Variants in RAPGEF4 observed in about 807,000 individuals in gnomAD.
The protein encoded by RAPGEF4 is RAP guanine-nucleotide-exchange factor (GEF) 4.
In RAPGEF4, 66 loss-of-function variants were observed where a neutral mutation model predicts 147.9. The observed-to-expected ratio is 0.45, with a 90% confidence interval of 0.37 to 0.55. RAPGEF4 has a LOEUF of 0.55. RAPGEF4 is among the 20% of genes least tolerant of loss of function. The pLI, the probability that RAPGEF4 is intolerant of heterozygous loss-of-function variation, is 0.00. For synonymous variants in RAPGEF4, 419 were observed against 442.7 expected (o/e 0.95, Z 0.67); for missense variants, 1,071 against 1,257.3 (o/e 0.85, Z 2.24).
chr2:172,805,580 G>A (rs1249779736), intron 3 of RAPGEF4, among the ~76,000 whole-genome samples: 1 of 152,162 alleles, frequency 6.6e-6, no homozygotes, highest in Non-Finnish European at 1.5e-5. Context: ...AAGGGGACCT[G>A]CCCACAGACC....
intron 3 of RAPGEF4, among the ~76,000 whole-genome samples, chr2:172,813,285 C>T (rs1227850574): frequency 6.6e-6 from 1 of 152,174 alleles, no homozygotes; most frequent in Non-Finnish European, 1.5e-5. Flanking sequence ...TAATGCCTTA[C>T]AAAATTAATG....
intron 1 of RAPGEF4, among the ~76,000 whole-genome samples, chr2:172,740,444 G>C (rs1694203170): frequency 6.6e-6 from 1 of 152,150 alleles, no homozygotes; most frequent in Non-Finnish European, 1.5e-5. Flanking sequence ...AAGTATTCGT[G>C]TTTCAGTTTA....
intron 4 of RAPGEF4, 76 bp from the exon 5 acceptor site, chr2:172,917,726 C>A: frequency 7.5e-7 from 1 of 1,332,092 alleles, no homozygotes; most frequent in Non-Finnish European, 1.1e-6. Flanking sequence ...AGCATTTCTG[C>A]TTTTTAACAT....
chr2:172,841,481 A>G (rs1172343060), intron 4 of RAPGEF4, among the ~76,000 whole-genome samples: 1 of 152,168 alleles, frequency 6.6e-6, no homozygotes, highest in Non-Finnish European at 1.5e-5. Context: ...CAATACAAAC[A>G]GATTGAGACA....
At chr2:173,001,852 A>G (rs1693952674) in intron 17 of RAPGEF4, among the ~76,000 whole-genome samples, 1 of 151,960 alleles carries the variant, frequency 6.6e-6, no homozygotes, top group African/African-American at 2.4e-5. Flanking sequence ...ACCCCCATGA[A>G]CCAAACACCT....
intron 17 of RAPGEF4, among the ~76,000 whole-genome samples, chr2:173,001,993 C>CAAAAAAAAAAAGAAAAAAAAAAAAAA (rs1693972340): frequency 1.3e-5 from 1 of 79,312 alleles, no homozygotes; most frequent in Non-Finnish European, 2.5e-5. Flanking sequence ...GTGATGCTGG[C>CAAAAAAAAAAAGAAAAAAAAAAAAAA]AAAAAAAAAA....
intron 29 of RAPGEF4, 123 bp from the exon 30 acceptor site, chr2:173,048,477 A>C: frequency 4.8e-6 from 7 of 1,467,360 alleles, no homozygotes; most frequent in Non-Finnish European, 6.3e-6. Context: ...TCAGATAGTC[A>C]ACATCTCAGA....
At position 172,988,781 on chromosome 2, in the gene RAPGEF4, G is replaced by A. The variant is rs1254075428; in HGVS notation, c.1316G>A (p.Arg439Gln). Residue 439 changes from arginine (R) to glutamine (Q), a missense_variant, in exon 14 of 31, where the codon CGA becomes CAA. Coordinates refer to ENST00000397081, the MANE Select transcript of RAPGEF4 (RefSeq NM_007023.4). Reference sequence around the variant, plus strand: ...CCACGAGCTGCCTCTATCGTCTTACGAGAAGATAACTGCCATTTCTTAAGA... The same window carrying A: ...CCACGAGCTGCCTCTATCGTCTTACAAGAAGATAACTGCCATTTCTTAAGA... ...DAPRAASIVL[R>Q]EDNCHFLRVD... 9 of 1,613,172 alleles carry A rather than the reference G, an allele frequency of 5.6e-6. No homozygotes were observed. The highest frequency in any genetic ancestry group is 1.7e-5 in the Admixed American group (1 of 59,992).
Position 173,042,177 on chromosome 2 carries a change from G to A in RAPGEF4, c.2853+5485G>A, listed in dbSNP as rs1684847511. 6.6e-6 allele frequency among the ~76,000 whole-genome samples: 1 copy of A among 152,156 alleles called. No homozygotes were observed. The highest frequency in any genetic ancestry group is 2.1e-4 in the South Asian group (1 of 4,822). ...CTCCAGCACCATAAAAATATCTGAC[G>A]CATTATTTCCCCAGCACCCATAAAA... On this transcript the variant is annotated intron_variant, in intron 29 of 30. Coordinates refer to ENST00000397081, the MANE Select transcript of RAPGEF4 (RefSeq NM_007023.4). This position sits in a 1 kb window ranked among gnomAD's most constrained non-coding sequence, Gnocchi z 4.2.
In RAPGEF4 at chr2:172,988,191, T is replaced by G; in HGVS notation, c.1151-5T>G. The G allele has an allele frequency of 6.3e-7, 1 of 1,598,426 alleles. No individual in the cohort carries two copies. Among genetic ancestry groups the G allele is most frequent in the South Asian group, 1.1e-5 (1 of 87,274 alleles). On this transcript the variant is annotated splice_polypyrimidine_tract_variant and splice_region_variant and intron_variant, in intron 12 of 30. Transcript: ENST00000397081. The stretch of plus-strand genomic sequence containing the variant: ...TCATAAGTCTTTTCATCTTTTTGTG[T>G]CTAGTGTTTAACCAGGGGGAAGAAG...
chr2:172,995,981 C>G (rs571113224), intron 15 of RAPGEF4, among the ~76,000 whole-genome samples: 11 of 152,184 alleles, frequency 7.2e-5, no homozygotes, highest in Admixed American at 5.9e-4. Context: ...AAGCACATAC[C>G]AGTGTACAGT....
chr2:172,978,605 T>C (rs1691347098), intron 10 of RAPGEF4, among the ~76,000 whole-genome samples: 1 of 152,224 alleles, frequency 6.6e-6, no homozygotes, highest in Non-Finnish European at 1.5e-5. Flanking sequence ...GTGGGGCCTT[T>C]TGATCAACCC....
In RAPGEF4 at chr2:172,927,684, T is replaced by C. The variant is rs1685511479; in HGVS notation, c.537+5384T>C. On this transcript the variant is annotated intron_variant, in intron 6 of 30. Coordinates refer to ENST00000397081, the MANE Select transcript of RAPGEF4 (RefSeq NM_007023.4). Reference sequence around the variant, plus strand: ...AATCAGAGATAATTCCATAAGGCTGTATAAACCCTTTCAACTCCACCTTTC... The same window carrying C: ...AATCAGAGATAATTCCATAAGGCTGCATAAACCCTTTCAACTCCACCTTTC... 2.0e-5 allele frequency among the ~76,000 whole-genome samples: 3 copies of C among 152,032 alleles called. No individual in the cohort carries two copies. In the South Asian group the frequency reaches 6.2e-4, roughly 32 times the overall value.
chr2:172,850,575 G>A (rs939987943), intron 4 of RAPGEF4, among the ~76,000 whole-genome samples: 2 of 151,828 alleles, frequency 1.3e-5, no homozygotes, highest in South Asian at 2.1e-4. Context: ...CCAAGATCAT[G>A]CCACTGCACT....
intron 29 of RAPGEF4, among the ~76,000 whole-genome samples, chr2:173,036,968 G>T (rs1289799934): frequency 6.6e-6 from 1 of 152,178 alleles, no homozygotes; most frequent in African/African-American, 2.4e-5. Context: ...ATGCACAAAT[G>T]TTCCTGAGTG....
chr2:172,912,237 A>T (rs976179973), intron 4 of RAPGEF4, among the ~76,000 whole-genome samples: 5 of 152,214 alleles, frequency 3.3e-5, no homozygotes, highest in Admixed American at 6.5e-5. Flanking sequence ...ACAGTCCAGG[A>T]TAGTGTAATT....
chr2:173,047,007 G>A (rs1243938760), intron 29 of RAPGEF4, among the ~76,000 whole-genome samples: 1 of 152,152 alleles, frequency 6.6e-6, no homozygotes, highest in Non-Finnish European at 1.5e-5. Context: ...GAGAAGAAAG[G>A]GTTGACTAGA....
At chr2:173,008,491 G>A (rs758636116) in intron 17 of RAPGEF4, among the ~76,000 whole-genome samples, 13 of 152,162 alleles carry the variant, frequency 8.5e-5, no homozygotes, top group Non-Finnish European at 1.3e-4. Flanking sequence ...TCAGTGGGCA[G>A]ATGACCCCCA....
chr2:172,952,258 G>T (rs1015976910), intron 6 of RAPGEF4, among the ~76,000 whole-genome samples: 1 of 152,116 alleles, frequency 6.6e-6, no homozygotes, highest in Non-Finnish European at 1.5e-5. Context: ...CATGAAAGTT[G>T]TAAGAATTGA....
Sources: gnomAD v4.1 joint callset for allele counts (sites outside exome capture counted in the v4.1 genomes callset) on GRCh38, gnomAD v4.1.1 for gene constraint, Gnocchi (gnomAD v3.1) non-coding constraint, MANE v1.5 for transcripts, NCBI Gene and HGNC (gene_info 2026-07-23, HGNC 2026-07-21) for gene names.